PEX10: variants seen among roughly 807,000 people sequenced by gnomAD.
PEX10 encodes peroxisome biogenesis factor 10.
A neutral mutation model predicts 38.0 loss-of-function variants in PEX10; 32 were observed. The observed-to-expected ratio is 0.84, with a 90% confidence interval of 0.63 to 1.13. PEX10 has a LOEUF of 1.13. PEX10 is among the 50% of genes most tolerant of loss of function. The pLI, the probability that PEX10 is intolerant of heterozygous loss-of-function variation, is 0.00. For synonymous variants in PEX10, 206 were observed against 207.3 expected (o/e 0.99, Z 0.05); for missense variants, 483 against 457.7 (o/e 1.06, Z -0.51).
chr1:2,408,077 G>A (rs1643068005), intron 3 of PEX10, among the ~76,000 whole-genome samples: 1 of 152,102 alleles, frequency 6.6e-6, no homozygotes, highest in African/African-American at 2.4e-5. Context: ...CACTGTCTGG[G>A]AGAAGCTGTT....
upstream of PEX10, among the ~76,000 whole-genome samples, chr1:2,412,722 T>G: frequency 6.7e-6 from 1 of 149,434 alleles, no homozygotes; most frequent in African/African-American, 2.5e-5. Flanking sequence ...AGCGGGAAGG[T>G]AGTCGGAGGC....
At chr1:2,408,395 C>G (rs1450016694) in intron 3 of PEX10, 57 bp downstream of exon 3, 1 of 1,591,490 alleles carries the variant, frequency 6.3e-7, no homozygotes, top group Non-Finnish European at 8.6e-7. Context: ...GCACCCAAGT[C>G]CAGTGGGGGT....
chr1:2,408,304 G>T, intron 3 of PEX10, 148 bp downstream of exon 3: 1 of 869,204 alleles, frequency 1.2e-6, no homozygotes, highest in Non-Finnish European at 1.9e-6. Context: ...TCCAAGCAGA[G>T]GATTTGGGTT....
At position 2,410,213 on chromosome 1, in the gene PEX10, C is replaced by T. The variant is rs1031145078; in HGVS notation, c.193+158G>A. The T allele has an allele frequency of 5.8e-6, 4 of 687,276 alleles. No individual in the cohort carries two copies. Among genetic ancestry groups the T allele is most frequent in the Middle Eastern group, 3.7e-4 (1 of 2,682 alleles). 42.6% of individuals were successfully genotyped at this position (687,276 alleles called of 1,614,324 possible). A position where few individuals can be genotyped will look rare whatever the true frequency, so the allele number is the denominator to read the frequency against. On this transcript the variant is annotated intron_variant, in intron 2 of 5. Transcript: ENST00000447513. This position sits in a 1 kb window ranked among gnomAD's most constrained non-coding sequence, Gnocchi z 5.1. ...GGCTCCCTGCTGGGAGCAGATGCCT[C>T]GCCTCCCTCGGAGCAGTACCTCCTG... is the stretch of plus-strand genomic sequence containing the variant.
intron 4 of PEX10, 48 bp downstream of exon 4, chr1:2,406,672 G>T: frequency 6.2e-7 from 1 of 1,611,580 alleles, no homozygotes; most frequent in Non-Finnish European, 8.5e-7. Flanking sequence ...AGGTCCTTGT[G>T]AAGTGCCCAG....
chr1:2,407,203 T>A (rs913341728), intron 3 of PEX10, among the ~76,000 whole-genome samples: 1 of 152,162 alleles, frequency 6.6e-6, no homozygotes, highest in Non-Finnish European at 1.5e-5. Context: ...AGGGACCACC[T>A]CTCAGAAAAG....
Position 2,412,522 on chromosome 1 carries a change from C to A in PEX10, c.-20G>T. ...GGCCATGGCCGCGGGTTCGGGTGGT[C>A]CCGAGCAGCCACGCCGGCCACGCCC... On this transcript the variant is annotated 5_prime_UTR_variant, in exon 1 of 6. Transcript: ENST00000447513. 2 of 1,330,410 alleles carry A rather than the reference C, an allele frequency of 1.5e-6. No individual in the cohort carries two copies. Among genetic ancestry groups the A allele is most frequent in the South Asian group, 1.9e-5 (1 of 52,044 alleles). The allele number at this position is 1,330,410 out of a possible 1,614,324, so 82.4% of individuals were successfully genotyped here. A position where few individuals can be genotyped will look rare whatever the true frequency, so the allele number is the denominator to read the frequency against.
At position 2,408,491 on chromosome 1, in the gene PEX10, G is replaced by A. The variant is rs944648966; in HGVS notation, c.561C>T (p.Val187=). ...TGAGCCTCTTGGCCAGGTGGTAGAA[G>A]ACACCGTGGATGTAAAACCAGGCAA... ...LHVAWFYIHG[V]FYHLAKRLTG... is the part of the protein sequence containing the mutation. The change falls in exon 3 of 6, where the codon GTC becomes GTT. Residue 187 remains valine (V), a synonymous_variant. Transcript: ENST00000447513. 1 of 1,612,990 alleles carries A rather than the reference G, an allele frequency of 6.2e-7. No individual in the cohort carries two copies. The highest frequency in any genetic ancestry group is 8.5e-7 in the Non-Finnish European group (1 of 1,180,006).
rs758364619 is a variant in PEX10, at chr1:2,408,558, A to G, written c.494T>C (p.Phe165Ser). ...GCAGGCGAGGCCCTGTCTGAGGACG[A>G]AGACCGCCCGCAGCAGCGCCCTCCT... Reference protein sequence around the residue: ...QQRRALLRAVFVLRQGLACLQ... With the variant: ...QQRRALLRAVSVLRQGLACLQ... The change falls in exon 3 of 6, where the codon TTC (phenylalanine) becomes TCC (serine). Residue 165 changes from phenylalanine (F) to serine (S), a missense_variant. Physicochemically the swap from Phe to Ser is radical, Grantham distance 155. Transcript: ENST00000447513. 7 of 1,612,464 alleles carry G rather than the reference A, an allele frequency of 4.3e-6. No individual in the cohort carries two copies. The highest frequency in any genetic ancestry group is 5.1e-6 in the Non-Finnish European group (6 of 1,179,986).
At chr1:2,413,174 A>G (rs1482277552), upstream of PEX10, among the ~76,000 whole-genome samples, 1 of 152,198 alleles carries the variant, frequency 6.6e-6, no homozygotes, top group Admixed American at 6.5e-5. Context: ...CTGCGCGAAA[A>G]GCACACGGCC....
upstream of PEX10, chr1:2,412,667 C>T (rs1643294608): frequency 8.7e-6 from 4 of 460,896 alleles, no homozygotes; most frequent in Non-Finnish European, 1.4e-5. Context: ...AGGGCCCGGG[C>T]GGAAGCGGGG....
In PEX10 at chr1:2,409,922, G is replaced by A. The variant is rs746807325; in HGVS notation, c.193+449C>T. Reference sequence around the variant, plus strand: ...TCGTAGGGAACCAGGCTGGCACTCGGTGGTCCTTGCTACATGCTGAGCTGG... The same window carrying A: ...TCGTAGGGAACCAGGCTGGCACTCGATGGTCCTTGCTACATGCTGAGCTGG... On this transcript the variant is annotated intron_variant, in intron 2 of 5. Coordinates refer to ENST00000447513, the MANE Select transcript of PEX10 (RefSeq NM_002617.4). The surrounding 1 kb of genome is among the most constrained non-coding windows in gnomAD (Gnocchi z 6.2). 4.9e-5 allele frequency: 10 copies of A among 204,160 alleles called. No homozygotes were observed. The highest frequency in any genetic ancestry group is 9.2e-5 in the Non-Finnish European group (9 of 98,246). The allele number at this position is 204,160 out of a possible 1,614,324, so 12.6% of individuals were successfully genotyped here.
At position 2,408,652 on chromosome 1, in the gene PEX10, C is replaced by G; in HGVS notation, c.400G>C (p.Gly134Arg). The G allele has an allele frequency of 3.7e-6, 6 of 1,611,252 alleles. No homozygotes were observed. The highest frequency in any genetic ancestry group is 5.1e-6 in the Non-Finnish European group (6 of 1,179,102). The change falls in exon 3 of 6, where the codon GGT (glycine) becomes CGT (arginine). Residue 134 changes from glycine to arginine, a missense_variant. By Grantham distance (125) the Gly-to-Arg change is moderately radical. Transcript: ENST00000447513. ...CGCGCCCCTGAGCAGCCACGCCCACCTGGCCCCAGGCTCCCCTGCAAGGGT... is the reference window on the plus strand; with the variant it reads ...CGCGCCCCTGAGCAGCCACGCCCACGTGGCCCCAGGCTCCCCTGCAAGGGT... ...GRPLQGSLGP[G>R]GRGCSGARRW...
In PEX10 at chr1:2,408,560, G is replaced by C. The variant is rs1557910280; in HGVS notation, c.492C>G (p.Val164=). Residue 164 remains valine (V), a synonymous_variant, in exon 3 of 6, where the codon GTC becomes GTG. Transcript: ENST00000447513. The part of the protein sequence containing the change: ...EQQRRALLRA[V]FVLRQGLACL... Reference sequence around the variant, plus strand: ...AGGCGAGGCCCTGTCTGAGGACGAAGACCGCCCGCAGCAGCGCCCTCCTCT... The same window carrying C: ...AGGCGAGGCCCTGTCTGAGGACGAACACCGCCCGCAGCAGCGCCCTCCTCT... 11 of 1,612,398 alleles carry C rather than the reference G, an allele frequency of 6.8e-6. 1 individual carries two copies. The highest frequency in any genetic ancestry group is 1.7e-5 in the Admixed American group (1 of 60,030).
rs1305639818 is a variant in PEX10, at chr1:2,412,526, A to AGCAGCCACGCCGGCCACGC, written c.-43_-25dup. 162 of 1,325,830 alleles carry AGCAGCCACGCCGGCCACGC rather than the reference A, an allele frequency of 1.2e-4. No homozygotes were observed. Among genetic ancestry groups the AGCAGCCACGCCGGCCACGC allele is most frequent in the Non-Finnish European group, 1.5e-4 (154 of 1,041,808 alleles). The allele number at this position is 1,325,830 out of a possible 1,614,324, so 82.1% of individuals were successfully genotyped here. On this transcript the variant is annotated 5_prime_UTR_variant, in exon 1 of 6. Transcript: ENST00000447513. ...ATGGCCGCGGGTTCGGGTGGTCCCG[A>AGCAGCCACGCCGGCCACGC]GCAGCCACGCCGGCCACGCCCACGC...
Position 2,405,586 on chromosome 1 carries a change from G to GAGAA in PEX10, c.*176_*179dup. ...GGGTTCAGGCGCCCCTCCCAGGGCT[G>GAGAA]AGAAAGCGCAGCCAGGGACAGCTTT... On this transcript the variant is annotated 3_prime_UTR_variant, in exon 6 of 6. Transcript: ENST00000447513. 2.8e-6 allele frequency: 2 copies of GAGAA among 718,032 alleles called. No homozygotes were observed. The highest frequency in any genetic ancestry group is 3.0e-5 in the South Asian group (2 of 67,060). 44.5% of individuals were successfully genotyped at this position (718,032 alleles called of 1,614,324 possible).
chr1:2,405,712 G>A lies in PEX10; in HGVS notation c.*54C>T. On this transcript the variant is annotated 3_prime_UTR_variant, in exon 6 of 6. Transcript: ENST00000447513. The stretch of plus-strand genomic sequence containing the variant: ...AAGGTTAATCCTGAGACTAAATCTT[G>A]GCGTTCAGACTCCCGTAGAGGTCAT... The A allele has an allele frequency of 7.0e-7, 1 of 1,428,786 alleles. No individual in the cohort carries two copies. Among genetic ancestry groups the A allele is most frequent in the Non-Finnish European group, 9.7e-7 (1 of 1,032,812 alleles). 88.5% of individuals were successfully genotyped at this position (1,428,786 alleles called of 1,614,324 possible). A position where few individuals can be genotyped will look rare whatever the true frequency, so the allele number is the denominator to read the frequency against.
rs1421028814 is a variant in PEX10 at position 2,410,933 on chromosome 1, G to A, written c.113-482C>T. 1 of 453,384 alleles carries A rather than the reference G, an allele frequency of 2.2e-6. No homozygotes were observed. Among genetic ancestry groups the A allele is most frequent in the Non-Finnish European group, 4.5e-6 (1 of 224,644 alleles). The allele number at this position is 453,384 out of a possible 1,614,324, so 28.1% of individuals were successfully genotyped here. A position where few individuals can be genotyped will look rare whatever the true frequency, so the allele number is the denominator to read the frequency against. Reference sequence around the variant, plus strand: ...CACTGGGAACAGTGTCTGGCACAGGGGTAAGTGCCAAGTGTACTGTAAAAC... The same window carrying A: ...CACTGGGAACAGTGTCTGGCACAGGAGTAAGTGCCAAGTGTACTGTAAAAC... On this transcript the variant is annotated intron_variant, in intron 1 of 5. Transcript: ENST00000447513. The surrounding 1 kb of genome is among the most constrained non-coding windows in gnomAD (Gnocchi z 5.1).
rs1438777414 is a variant in PEX10, at chr1:2,404,734, GA to G, written c.*1031del. 1.3e-5 allele frequency: 2 copies of G among 152,306 alleles called. No homozygotes were observed. The highest frequency in any genetic ancestry group is 2.9e-5 in the Non-Finnish European group (2 of 68,056). The allele number at this position is 152,306 out of a possible 1,614,324, so 9.4% of individuals were successfully genotyped here. A position where few individuals can be genotyped will look rare whatever the true frequency, so the allele number is the denominator to read the frequency against. On this transcript the variant is annotated 3_prime_UTR_variant, in exon 6 of 6. Transcript: ENST00000447513. ...TGGCCAGGTGTTTTACGTCAGCAGG[GA>G]AATGTGGCACACGCCCTCGAGGCAT...
Sources: gnomAD v4.1 joint callset for allele counts (sites outside exome capture counted in the v4.1 genomes callset) on GRCh38, gnomAD v4.1.1 for gene constraint, Gnocchi (gnomAD v3.1) non-coding constraint, MANE v1.5 for transcripts, NCBI Gene and HGNC (gene_info 2026-07-23, HGNC 2026-07-21) for gene names.